ADGRL2: variants seen among roughly 807,000 people sequenced by gnomAD.
The protein encoded by ADGRL2 is adhesion G protein-coupled receptor L2, also known as calcium-independent alpha-latrotoxin receptor 2.
ADGRL2 carries 44 observed loss-of-function variants against 157.4 expected under a neutral mutation model. That is an observed-to-expected ratio of 0.28 (90% CI 0.22 to 0.36). The LOEUF (loss-of-function observed/expected upper bound fraction) is 0.36, where lower values mean the gene tolerates loss of function less well. ADGRL2 is among the 10% of genes least tolerant of loss of function. ADGRL2 has a pLI of 1.00. For synonymous variants in ADGRL2, 585 were observed against 624.7 expected, an observed-to-expected ratio of 0.94 and a Z score of 0.95; for missense variants, 1,510 against 1,768.9, an observed-to-expected ratio of 0.85 and a Z score of 2.63.
intron 3 of ADGRL2, among the ~76,000 whole-genome samples, chr1:81,692,733 T>C (rs1018808123): frequency 3.3e-4 from 50 of 152,198 alleles, no homozygotes; most frequent in African/African-American, 1.2e-3. Context: ...AATCAGGTGT[T>C]GTAGAGCAGT....
chr1:81,327,624 G>T (rs148824912), intron 1 of ADGRL2, among the ~76,000 whole-genome samples: 16 of 152,166 alleles, frequency 1.1e-4, no homozygotes, highest in Non-Finnish European at 1.5e-4. Context: ...CTTTAATAAG[G>T]TTTATTAATT....
At position 81,668,331 on chromosome 1, in the gene ADGRL2, A is replaced by G. The variant is rs1209538813; in HGVS notation, c.-143+87351A>G. Among the ~76,000 whole-genome samples, 37 of 151,866 alleles carry G rather than the reference A, an allele frequency of 2.4e-4. 1 individual carries two copies. The highest frequency in any genetic ancestry group is 1.5e-5 in the Non-Finnish European group (1 of 68,000). ...TCCCAGCTACTCAGGAGGCTGAGGC[A>G]GAAGAATCGCATGAACCTGGGAGGC... On this transcript the variant is annotated intron_variant, in intron 3 of 24. Transcript: ENST00000370721.
At chr1:81,368,882 A>G (rs893216893) in intron 1 of ADGRL2, among the ~76,000 whole-genome samples, 5 of 152,246 alleles carry the variant, frequency 3.3e-5, no homozygotes, top group African/African-American at 9.6e-5. Context: ...GCTAGCTCTT[A>G]TTTGTCATCC....
chr1:81,908,984 C>T (rs1358674633), intron 3 of ADGRL2, among the ~76,000 whole-genome samples: 1 of 151,538 alleles, frequency 6.6e-6, no homozygotes, highest in Non-Finnish European at 1.5e-5. Flanking sequence ...AAGCAATTCT[C>T]ATGCCTCAAC....
At chr1:81,758,663 G>A (rs1314075912) in intron 1 of ADGRL2, among the ~76,000 whole-genome samples, 2 of 152,144 alleles carry the variant, frequency 1.3e-5, no homozygotes, top group East Asian at 1.9e-4. Flanking sequence ...TTTCTACAAT[G>A]TTGTCTCAGA....
At chr1:81,912,100 C>T (rs1045171222) in intron 3 of ADGRL2, among the ~76,000 whole-genome samples, 8 of 151,054 alleles carry the variant, frequency 5.3e-5, no homozygotes, top group African/African-American at 2.0e-4. Flanking sequence ...GAGATAGGGT[C>T]TCACTCCCTT....
At chr1:81,604,631 A>G (rs1260296863) in intron 3 of ADGRL2, among the ~76,000 whole-genome samples, 4 of 152,172 alleles carry the variant, frequency 2.6e-5, no homozygotes, top group Non-Finnish European at 1.5e-5. Context: ...TAAAATCAAG[A>G]CAGTCATGGG....
chr1:81,650,297 C>G (rs71646941), intron 3 of ADGRL2, among the ~76,000 whole-genome samples: 15,593 of 151,948 alleles, frequency 0.1, 972 homozygotes, highest in Middle Eastern at 0.16. Context: ...GTGGGCCGGG[C>G]CCCCTGGCTC....
chr1:81,642,328 G>A (rs1227613610), intron 3 of ADGRL2, among the ~76,000 whole-genome samples: 1 of 150,114 alleles, frequency 6.7e-6, no homozygotes, highest in Non-Finnish European at 1.5e-5. Context: ...AATGAGGCAG[G>A]AAAATCACTT....
chr1:81,440,509 C>G (rs996338341), intron 1 of ADGRL2, among the ~76,000 whole-genome samples: 1 of 152,102 alleles, frequency 6.6e-6, no homozygotes, highest in Non-Finnish European at 1.5e-5. Flanking sequence ...GCTTCCTTAC[C>G]TTTGGTAAAT....
At chr1:81,313,689 C>G (rs1160008723) in intron 1 of ADGRL2, among the ~76,000 whole-genome samples, 1 of 152,168 alleles carries the variant, frequency 6.6e-6, no homozygotes, top group Non-Finnish European at 1.5e-5. Context: ...TTAGCTTTTT[C>G]TGTGTGAGAG....
intron 6 of ADGRL2, among the ~76,000 whole-genome samples, chr1:81,948,549 G>A (rs1175763897): frequency 6.6e-6 from 1 of 152,114 alleles, no homozygotes; most frequent in African/African-American, 2.4e-5. Flanking sequence ...ACTTGATTCA[G>A]CAGCAGTCAT....
intron 2 of ADGRL2, chr1:81,503,047 C>T (rs796868506): frequency 1.2e-6 from 2 of 1,611,172 alleles, no homozygotes; most frequent in Non-Finnish European, 1.7e-6. Context: ...GACCGCCGCA[C>T]TGGAGCAGCT....
intron 1 of ADGRL2, among the ~76,000 whole-genome samples, chr1:81,425,254 ACG>A (rs2077191416): frequency 6.6e-6 from 1 of 152,172 alleles, no homozygotes; most frequent in African/African-American, 2.4e-5. Flanking sequence ...CAACACAATC[ACG>A]TACCCATGCA....
intron 1 of ADGRL2, among the ~76,000 whole-genome samples, chr1:81,394,814 TAA>T (rs2076625552): frequency 6.6e-6 from 1 of 152,154 alleles, no homozygotes; most frequent in South Asian, 2.1e-4. Context: ...CTACACCATA[TAA>T]GAGTTCTCCT....
chr1:81,682,963 T>A (rs981761691), intron 3 of ADGRL2, among the ~76,000 whole-genome samples: 1 of 152,136 alleles, frequency 6.6e-6, no homozygotes, highest in African/African-American at 2.4e-5. Flanking sequence ...GAAACCCCTG[T>A]CTCTACTAAA....
chr1:81,560,452 T>C (rs1482016013), intron 2 of ADGRL2, among the ~76,000 whole-genome samples: 2 of 152,196 alleles, frequency 1.3e-5, no homozygotes, highest in East Asian at 3.9e-4. Context: ...TCCTGTTCAA[T>C]AGCGGCCTAG....
At chr1:81,463,130 A>G (rs964779554) in intron 2 of ADGRL2, among the ~76,000 whole-genome samples, 31 of 148,068 alleles carry the variant, frequency 2.1e-4, no homozygotes, top group East Asian at 1.3e-3. Context: ...AAAAAAAAAA[A>G]AAAAGAAAAA....
chr1:81,699,358 A>T (rs928271260), upstream of ADGRL2, among the ~76,000 whole-genome samples: 1 of 152,226 alleles, frequency 6.6e-6, no homozygotes, highest in East Asian at 1.9e-4. Flanking sequence ...CCCAATCCTG[A>T]TTCAGCAAAT....
Sources: gnomAD v4.1 joint callset for allele counts (sites outside exome capture counted in the v4.1 genomes callset) on GRCh38, gnomAD v4.1.1 for gene constraint, MANE v1.5 for transcripts, NCBI Gene and HGNC (gene_info 2026-07-23, HGNC 2026-07-21) for gene names.